ASXL1: variants seen among roughly 807,000 people sequenced by gnomAD.
ASXL1 encodes ASXL transcriptional regulator 1.
A neutral mutation model predicts 89.1 loss-of-function variants in ASXL1; 65 were observed. That is an observed-to-expected ratio of 0.73 (90% CI 0.60 to 0.90). ASXL1 has a LOEUF of 0.90. ASXL1 is among the 40% of genes least tolerant of loss of function. The pLI is 0.00. For missense variants in ASXL1, 1,786 were observed against 1,942.9 expected (o/e 0.92, Z 1.52); for synonymous variants, 739 against 746.9 (o/e 0.99, Z 0.17).
chr20:32,380,762 A>G (rs1008163686), intron 4 of ASXL1, among the ~76,000 whole-genome samples: 4 of 152,196 alleles, frequency 2.6e-5, no homozygotes, highest in Non-Finnish European at 5.9e-5. Context: ...CAAAGAAACA[A>G]AAAAAACCCA....
chr20:32,408,620 C>G (rs1396201302), intron 4 of ASXL1, among the ~76,000 whole-genome samples: 3 of 152,124 alleles, frequency 2.0e-5, no homozygotes, highest in African/African-American at 7.2e-5. Context: ...TGACGCAGTC[C>G]TAGCTTACTG....
In ASXL1 at chr20:32,438,680, T is replaced by G. The variant is rs561909665; in HGVS notation, c.*1342T>G. 2.2e-4 allele frequency: 51 copies of G among 233,668 alleles called. No homozygotes were observed. Among genetic ancestry groups the G allele is most frequent in the Admixed American group, 1.7e-3 (30 of 17,798 alleles). 14.5% of individuals were successfully genotyped at this position (233,668 alleles called of 1,614,324 possible). On this transcript the variant is annotated 3_prime_UTR_variant, in exon 13 of 13. Transcript: ENST00000375687. ...TGTTAAGTGCTTCTGGATTCATGGG[T>G]GAGTTCCCTGGGCAGCCCCCAGGAA... is the stretch of plus-strand genomic sequence containing the variant.
At chr20:32,373,397 T>C (rs4911222) in intron 4 of ASXL1, among the ~76,000 whole-genome samples, 121,109 of 151,872 alleles carry the variant, frequency 0.8, 48,628 homozygotes, top group South Asian at 0.92. Context: ...TTTGATGAAA[T>C]TGTCCCTAGA....
rs530894122 is a variant in ASXL1 at position 32,437,149 on chromosome 20, C to T, written c.4437C>T (p.Asn1479=). ...GSVVQLSHKA[N]FGASHSASLS... ...TGGTGCAGCTGAGCCACAAAGCAAACTTTGGTGCGAGCCACAGTGCATCAC... is the reference window on the plus strand; with the variant it reads ...TGGTGCAGCTGAGCCACAAAGCAAATTTTGGTGCGAGCCACAGTGCATCAC... Residue 1479 remains asparagine, a synonymous_variant, in exon 13 of 13, where the codon AAC becomes AAT. Coordinates refer to ENST00000375687, the MANE Select transcript of ASXL1 (RefSeq NM_015338.6). The T allele has an allele frequency of 3.1e-6, 5 of 1,614,182 alleles. No individual in the cohort carries two copies. Among genetic ancestry groups the T allele is most frequent in the African/African-American group, 2.7e-5 (2 of 75,042 alleles).
chr20:32,380,002 C>G (rs2048459561), intron 4 of ASXL1, among the ~76,000 whole-genome samples: 1 of 152,028 alleles, frequency 6.6e-6, no homozygotes. Context: ...AAATGGATGG[C>G]TGGGCATGGT....
At chr20:32,421,083 G>C (rs1000761862) in intron 4 of ASXL1, among the ~76,000 whole-genome samples, 1 of 132,974 alleles carries the variant, frequency 7.5e-6, no homozygotes, top group Non-Finnish European at 1.6e-5. Flanking sequence ...TGGGGGGAAA[G>C]GGGAGGGAGA....
intron 4 of ASXL1, among the ~76,000 whole-genome samples, chr20:32,411,615 C>T (rs2049050594): frequency 6.7e-6 from 1 of 148,444 alleles, no homozygotes; most frequent in South Asian, 2.1e-4. Context: ...GATCTTGGCT[C>T]ACTGCAGCCT....
At chr20:32,432,749 C>G in intron 10 of ASXL1, 131 bp from the exon 11 acceptor site, 2 of 1,130,814 alleles carry the variant, frequency 1.8e-6, no homozygotes, top group South Asian at 2.7e-5. Context: ...TTAGCTCTGT[C>G]CCTATAAGAG....
rs754774849 is a variant in ASXL1 at position 32,434,511 on chromosome 20, C to T, written c.1799C>T (p.Thr600Ile). 1.2e-6 allele frequency: 2 copies of T among 1,614,064 alleles called. No homozygotes were observed. The highest frequency in any genetic ancestry group is 1.7e-6 in the Non-Finnish European group (2 of 1,180,042). Residue 600 changes from threonine (T) to isoleucine (I), a missense_variant, in exon 13 of 13, where the codon ACC (threonine) becomes ATC (isoleucine). By Grantham distance (89) the Thr-to-Ile change is moderately conservative. Around this residue, in one of 3 missense-constraint regions of ASXL1, gnomAD observed 1,418 missense variants for 1,427.8 expected, o/e 0.99. Transcript: ENST00000375687. ...TYQICPRIIP[T>I]TESSCRGWTG... is the part of the protein sequence containing the mutation. ...CAGATATGCCCCCGGATCATCCCCACCACGGAGTCCTCCTGCCGGGGTTGG... is the reference window on the plus strand; with the variant it reads ...CAGATATGCCCCCGGATCATCCCCATCACGGAGTCCTCCTGCCGGGGTTGG...
At chr20:32,392,407 C>T (rs1025567977) in intron 4 of ASXL1, among the ~76,000 whole-genome samples, 25 of 151,582 alleles carry the variant, frequency 1.6e-4, no homozygotes, top group African/African-American at 3.4e-4. Flanking sequence ...CTCAGTCTCC[C>T]GAGTAGCTGA....
intron 4 of ASXL1, among the ~76,000 whole-genome samples, chr20:32,375,669 TG>T (rs1194560511): frequency 1.5e-4 from 23 of 151,690 alleles, no homozygotes; most frequent in African/African-American, 5.6e-4. Context: ...GTAAGTAGTT[TG>T]TTTTTTTTGT....
intron 4 of ASXL1, among the ~76,000 whole-genome samples, chr20:32,405,818 GT>G (rs34131013): frequency 0.79 from 120,683 of 151,926 alleles, 48,310 homozygotes; most frequent in South Asian, 0.92. Context: ...CTTTATTTCA[GT>G]TTTTTCCTAT....
intron 4 of ASXL1, among the ~76,000 whole-genome samples, chr20:32,421,828 A>C (rs769835479): frequency 4.0e-5 from 6 of 151,484 alleles, no homozygotes; most frequent in Non-Finnish European, 8.8e-5. Context: ...AGTCAGAACA[A>C]TGATTGCCTT....
Position 32,429,631 on chromosome 20 carries a change from A to G in ASXL1, c.565+200A>G. On this transcript the variant is annotated intron_variant, in intron 7 of 12. Transcript: ENST00000375687. This position sits in a 1 kb window ranked among gnomAD's most constrained non-coding sequence, Gnocchi z 4.9. ...TGCCTTCCTCTTTGTCTCCCAGGGC[A>G]GTCGTGAGGATCCAACGGAGGATTT... is the stretch of plus-strand genomic sequence containing the variant. 1.4e-6 allele frequency: 1 copy of G among 713,754 alleles called. No individual in the cohort carries two copies. Among genetic ancestry groups the G allele is most frequent in the Non-Finnish European group, 2.4e-6 (1 of 424,360 alleles). The allele number at this position is 713,754 out of a possible 1,614,324, so 44.2% of individuals were successfully genotyped here. A position where few individuals can be genotyped will look rare whatever the true frequency, so the allele number is the denominator to read the frequency against.
intron 12 of ASXL1, 46 bp from the exon 13 acceptor site, chr20:32,434,386 A>C: frequency 6.2e-7 from 1 of 1,608,112 alleles, no homozygotes; most frequent in Non-Finnish European, 8.5e-7. Context: ...TCCCTAGGTC[A>C]GATCACCCAG....
intron 12 of ASXL1, 143 bp from the exon 13 acceptor site, chr20:32,434,289 C>G: frequency 9.2e-7 from 1 of 1,087,568 alleles, no homozygotes; most frequent in Non-Finnish European, 1.4e-6. Flanking sequence ...CGCCATTTTA[C>G]TATGATGATT....
chr20:32,371,986 T>G, intron 4 of ASXL1: 1 of 525,674 alleles, frequency 1.9e-6, no homozygotes, highest in Non-Finnish European at 3.2e-6. Context: ...ATTACAAATA[T>G]GCCTGTTAAT....
intron 4 of ASXL1, among the ~76,000 whole-genome samples, chr20:32,400,777 G>C (rs930982969): frequency 2.0e-5 from 3 of 152,202 alleles, no homozygotes; most frequent in Non-Finnish European, 4.4e-5. Context: ...TAGGGCTTCT[G>C]CTTCTGCATG....
chr20:32,378,136 C>T (rs2048419832), intron 4 of ASXL1, among the ~76,000 whole-genome samples: 2 of 134,552 alleles, frequency 1.5e-5, no homozygotes, highest in Admixed American at 7.7e-5. Context: ...ACTACAGGTG[C>T]GTGCCACTGT....
Sources: allele counts gnomAD v4.1 joint callset (sites outside exome capture counted in the v4.1 genomes callset), GRCh38; gene constraint gnomAD v4.1.1; regional missense constraint gnomAD v4.1.1; non-coding constraint Gnocchi (gnomAD v3.1); transcripts MANE v1.5; gene names NCBI Gene and HGNC (gene_info 2026-07-23, HGNC 2026-07-21).